The following NCKAP1L variants were observed in gnomAD, a reference collection of about 807,000 sequenced individuals.
NCKAP1L encodes the protein NCK associated protein 1 like.
A neutral mutation model predicts 139.2 loss-of-function variants in NCKAP1L; 53 were observed. The ratio of observed to expected loss-of-function variants is 0.38; its 90% CI spans 0.31 to 0.48. NCKAP1L has a LOEUF of 0.48. NCKAP1L is among the 20% of genes least tolerant of loss of function. The probability of loss-of-function intolerance (pLI) is 0.98; values close to 1 mark genes in which losing one functional copy is unlikely to be tolerated. For synonymous variants in NCKAP1L, 468 were observed against 499.7 expected, an observed-to-expected ratio of 0.94 and a Z score of 0.85; for missense variants, 1,151 against 1,381.9, an observed-to-expected ratio of 0.83 and a Z score of 2.65.
At chr12:54,514,843 T>G (rs959594607) in intron 9 of NCKAP1L, among the ~76,000 whole-genome samples, 1 of 152,166 alleles carries the variant, frequency 6.6e-6, no homozygotes, top group Non-Finnish European at 1.5e-5. Flanking sequence ...GATTAATAAT[T>G]AGAAGTTACA....
In NCKAP1L at chr12:54,516,290, A is replaced by C. The variant is rs145815142; in HGVS notation, c.993A>C (p.Ala331=). The part of the protein sequence containing the change: ...DIKESKEHVI[A]NSGQFHCQRR... ...AGGAGAGCAAGGAACATGTAATTGCAAACAGGTAAAGGGTGGTGAATGCAC... is the reference window on the plus strand; with the variant it reads ...AGGAGAGCAAGGAACATGTAATTGCCAACAGGTAAAGGGTGGTGAATGCAC... Residue 331 remains alanine (A), a synonymous_variant, in exon 10 of 31, where the codon GCA becomes GCC. Transcript: ENST00000293373. 3 of 1,613,868 alleles carry C rather than the reference A, an allele frequency of 1.9e-6. No homozygotes were observed. Among genetic ancestry groups the C allele is most frequent in the Non-Finnish European group, 2.5e-6 (3 of 1,179,914 alleles).
chr12:54,511,848 A>C lies in NCKAP1L; in HGVS notation c.781A>C (p.Ile261Leu). ...TGTGGAAGTAATGGAGCGCTGGATT[A>C]TCAGTAAGTTTAGTGGGATTAGATG... The part of the protein sequence containing the change: ...LSVEVMERWI[I>L]IGFLLCHGCL... The change falls in exon 8 of 31, where the codon ATC becomes CTC. Residue 261 changes from isoleucine (I) to leucine (L), a missense_variant. Physicochemically the swap from Ile to Leu is conservative, Grantham distance 5. Transcript: ENST00000293373. 6.2e-7 allele frequency: 1 copy of C among 1,614,228 alleles called. No individual in the cohort carries two copies. The highest frequency in any genetic ancestry group is 1.3e-5 in the African/African-American group (1 of 75,066).
At chr12:54,536,726 A>C (rs1053593825) in intron 28 of NCKAP1L, among the ~76,000 whole-genome samples, 6 of 152,118 alleles carry the variant, frequency 3.9e-5, no homozygotes, top group Non-Finnish European at 8.8e-5. Context: ...GAAAAAAAAA[A>C]AAACCAGAAT....
chr12:54,537,099 G>T, intron 29 of NCKAP1L, 46 bp downstream of exon 29: 1 of 1,326,408 alleles, frequency 7.5e-7, no homozygotes. Context: ...CAAAGGGCTG[G>T]AATTGGTTTG....
intron 30 of NCKAP1L, among the ~76,000 whole-genome samples, chr12:54,541,168 A>C (rs979019331): frequency 6.6e-6 from 1 of 152,210 alleles, no homozygotes; most frequent in Non-Finnish European, 1.5e-5. Flanking sequence ...CCAGAACCAG[A>C]CCAGATCCTG....
intron 22 of NCKAP1L, among the ~76,000 whole-genome samples, chr12:54,530,204 G>A (rs1255204266): frequency 2.0e-5 from 3 of 152,158 alleles, no homozygotes; most frequent in African/African-American, 7.2e-5. Context: ...TCTTATTAGC[G>A]ATATTAAACT....
chr12:54,498,774 C>T (rs1956771149), intron 1 of NCKAP1L: 1 of 985,090 alleles, frequency 1.0e-6, no homozygotes, highest in African/African-American at 1.7e-5. Context: ...GGGGAAACAG[C>T]TTCCTCTTTG....
intron 22 of NCKAP1L, among the ~76,000 whole-genome samples, chr12:54,530,631 G>T (rs1249147116): frequency 2.0e-5 from 3 of 152,218 alleles, no homozygotes; most frequent in African/African-American, 7.2e-5. Flanking sequence ...GTAAGGGGCA[G>T]TAAGACATTG....
chr12:54,538,760 G>T, intron 29 of NCKAP1L, 124 bp from the exon 30 acceptor site: 1 of 725,542 alleles, frequency 1.4e-6, no homozygotes, highest in Non-Finnish European at 2.3e-6. Context: ...TTCCCACCCT[G>T]AGTCTTCAGG....
chr12:54,527,568 A>G (rs1445219860), intron 21 of NCKAP1L, among the ~76,000 whole-genome samples: 1 of 152,078 alleles, frequency 6.6e-6, no homozygotes, highest in Non-Finnish European at 1.5e-5. Flanking sequence ...TTGACAAAGA[A>G]TTTTCCATAG....
chr12:54,521,100 T>C lies in NCKAP1L; in HGVS notation c.1759-19T>C. 3 of 1,613,936 alleles carry C rather than the reference T, an allele frequency of 1.9e-6. No individual in the cohort carries two copies. Among genetic ancestry groups the C allele is most frequent in the Non-Finnish European group, 2.5e-6 (3 of 1,179,878 alleles). On this transcript the variant is annotated intron_variant, in intron 17 of 30. Coordinates refer to ENST00000293373, the MANE Select transcript of NCKAP1L (RefSeq NM_005337.5). The stretch of plus-strand genomic sequence containing the variant: ...GTGCTGGTGATGACAGTCTCTTCTT[T>C]GGTCCCTCTTTCCCATAGTACCCCC...
chr12:54,513,845 G>A (rs557938751), intron 9 of NCKAP1L, among the ~76,000 whole-genome samples: 1 of 152,132 alleles, frequency 6.6e-6, no homozygotes, highest in South Asian at 2.1e-4. Context: ...GTGGGTTTAA[G>A]GAAAGGGTCA....
chr12:54,518,518 G>C (rs1315773755), intron 13 of NCKAP1L, 133 bp from the exon 14 acceptor site: 3 of 774,656 alleles, frequency 3.9e-6, no homozygotes, highest in Non-Finnish European at 6.9e-6. Flanking sequence ...TTCATCTCTT[G>C]CTTGGCTTTT....
At position 54,514,462 on chromosome 12, in the gene NCKAP1L, C is replaced by T. The variant is rs74399420; in HGVS notation, c.942-1777C>T. Among the ~76,000 whole-genome samples the T allele has an allele frequency of 1.5e-3, 230 of 152,174 alleles. 1 individual carries two copies. The highest frequency in any genetic ancestry group is 5.3e-3 in the African/African-American group (221 of 41,500). On this transcript the variant is annotated intron_variant, in intron 9 of 30. Coordinates refer to ENST00000293373, the MANE Select transcript of NCKAP1L (RefSeq NM_005337.5). Reference sequence around the variant, plus strand: ...TCAGCCTCCCAAGTAGCTGGGATTACAGGCATGTACAACCACCCCCAGCTA... The same window carrying T: ...TCAGCCTCCCAAGTAGCTGGGATTATAGGCATGTACAACCACCCCCAGCTA...
intron 5 of NCKAP1L, among the ~76,000 whole-genome samples, 188 bp downstream of exon 5, chr12:54,508,719 C>T (rs1055091830): frequency 4.6e-5 from 7 of 152,098 alleles, no homozygotes; most frequent in Admixed American, 6.6e-5. Context: ...GTTTGAACTA[C>T]GCAGGTCCAC....
At chr12:54,517,453 T>C (rs1222453511) in intron 11 of NCKAP1L, 80 bp from the exon 12 acceptor site, 3 of 921,776 alleles carry the variant, frequency 3.3e-6, no homozygotes, top group Non-Finnish European at 5.3e-6. Flanking sequence ...TCCATACCTA[T>C]ATTATCATGG....
At chr12:54,505,972 T>A (rs1956836896) in intron 3 of NCKAP1L, among the ~76,000 whole-genome samples, 1 of 152,192 alleles carries the variant, frequency 6.6e-6, no homozygotes, top group Non-Finnish European at 1.5e-5. Context: ...TCAGTCCCCC[T>A]TTTTGCTGAG....
At chr12:54,533,813 G>C (rs751741628) in intron 26 of NCKAP1L, among the ~76,000 whole-genome samples, 1 of 152,292 alleles carries the variant, frequency 6.6e-6, no homozygotes, top group South Asian at 2.1e-4. Flanking sequence ...CAAGTGATCC[G>C]CCCACCTTGG....
rs1042640893 is a variant in NCKAP1L at position 54,542,860 on chromosome 12, G to C, written c.*175G>C. On this transcript the variant is annotated 3_prime_UTR_variant, in exon 31 of 31. Coordinates refer to ENST00000293373, the MANE Select transcript of NCKAP1L (RefSeq NM_005337.5). ...AAGAACAATCCAGGGCTGAGAAATC[G>C]TAGAGCAGTGAGGCAGGCTGGGAGC... 1 of 539,320 alleles carries C rather than the reference G, an allele frequency of 1.9e-6. No individual in the cohort carries two copies. Among genetic ancestry groups the C allele is most frequent in the African/African-American group, 1.9e-5 (1 of 52,940 alleles). The allele number at this position is 539,320 out of a possible 1,614,324, so 33.4% of individuals were successfully genotyped here.
Sources: gnomAD v4.1 joint callset for allele counts (sites outside exome capture counted in the v4.1 genomes callset) on GRCh38, gnomAD v4.1.1 for gene constraint, MANE v1.5 for transcripts, NCBI Gene and HGNC (gene_info 2026-07-23, HGNC 2026-07-21) for gene names.